The following CLSTN2 variants were observed in gnomAD, a reference collection of about 807,000 sequenced individuals.
CLSTN2 encodes calsyntenin-2.
Under a neutral mutation model 101.2 loss-of-function variants are expected in CLSTN2, and 48 were observed. The observed-to-expected ratio is 0.47, with a 90% CI of 0.38 to 0.60. The LOEUF is 0.60. CLSTN2 is among the 20% of genes least tolerant of loss of function. The pLI is 0.00. For missense variants in CLSTN2, 1,160 were observed against 1,238.2 expected (o/e 0.94, Z 0.95); for synonymous variants, 481 against 463.6 (o/e 1.04, Z -0.48).
intron 1 of CLSTN2, among the ~76,000 whole-genome samples, chr3:139,962,982 C>T (rs1935537011): frequency 6.6e-6 from 1 of 151,914 alleles, no homozygotes; most frequent in Admixed American, 6.6e-5. Context: ...TGGTGATTAT[C>T]TCTTAGGATA....
At chr3:140,354,445 C>T (rs903617524) in intron 2 of CLSTN2, among the ~76,000 whole-genome samples, 16 of 152,186 alleles carry the variant, frequency 1.1e-4, no homozygotes, top group African/African-American at 2.7e-4. Flanking sequence ...ATGACAACCA[C>T]GTATGCTTTA....
chr3:140,328,066 G>T (rs750317851), intron 2 of CLSTN2, among the ~76,000 whole-genome samples: 27 of 152,224 alleles, frequency 1.8e-4, no homozygotes, highest in Non-Finnish European at 3.5e-4. Context: ...TTATCCTGAT[G>T]CTTCCTTTCA....
chr3:140,079,228 C>T (rs1237776122), intron 1 of CLSTN2, among the ~76,000 whole-genome samples: 2 of 152,082 alleles, frequency 1.3e-5, no homozygotes, highest in Non-Finnish European at 2.9e-5. Context: ...TTTTATACTT[C>T]ATTATAGTCT....
intron 2 of CLSTN2, among the ~76,000 whole-genome samples, chr3:140,313,935 C>T (rs893585619): frequency 1.3e-5 from 2 of 152,168 alleles, no homozygotes; most frequent in African/African-American, 4.8e-5. Flanking sequence ...TCCCCTTTGA[C>T]CTGCCCCAGT....
chr3:140,115,776 C>T (rs890388013), intron 1 of CLSTN2, among the ~76,000 whole-genome samples: 14 of 152,174 alleles, frequency 9.2e-5, no homozygotes, highest in African/African-American at 3.1e-4. Flanking sequence ...CGTCCCCATC[C>T]TATTGTTCTC....
chr3:140,212,616 C>T (rs1026047616), intron 2 of CLSTN2, among the ~76,000 whole-genome samples: 10 of 152,214 alleles, frequency 6.6e-5, no homozygotes, highest in Admixed American at 1.3e-4. Context: ...AAGTTTGTAA[C>T]CTGGCCCATA....
chr3:140,193,261 G>GTTTTTTTTTTTTTTTTTT (rs367933711), intron 2 of CLSTN2, among the ~76,000 whole-genome samples: 3 of 87,444 alleles, frequency 3.4e-5, no homozygotes, highest in Non-Finnish European at 6.9e-5. Context: ...CTTTTTTATA[G>GTTTTTTTTTTTTTTTTTT]TTTTTTTTTT....
At chr3:140,498,422 G>C (rs1193588213) in intron 8 of CLSTN2, among the ~76,000 whole-genome samples, 2 of 152,182 alleles carry the variant, frequency 1.3e-5, no homozygotes, top group Admixed American at 1.3e-4. Flanking sequence ...GAACCACACA[G>C]AGTATTTGCC....
intron 2 of CLSTN2, among the ~76,000 whole-genome samples, chr3:140,224,654 T>A (rs1200609471): frequency 6.6e-6 from 1 of 152,178 alleles, no homozygotes; most frequent in Non-Finnish European, 1.5e-5. Flanking sequence ...AATCATATAA[T>A]CAGTCATAAC....
intron 1 of CLSTN2, among the ~76,000 whole-genome samples, chr3:140,155,065 C>T (rs536791565): frequency 6.6e-5 from 10 of 152,112 alleles, no homozygotes; most frequent in Non-Finnish European, 1.5e-4. Flanking sequence ...GGACACAGAG[C>T]CAAACCATAT....
intron 1 of CLSTN2, among the ~76,000 whole-genome samples, chr3:140,063,529 G>A (rs570558739): frequency 6.6e-6 from 1 of 152,290 alleles, no homozygotes; most frequent in South Asian, 2.1e-4. Context: ...CACACTGTGA[G>A]GCAGGTAAAG....
intron 2 of CLSTN2, among the ~76,000 whole-genome samples, chr3:140,224,875 T>C (rs899114506): frequency 1.3e-5 from 2 of 152,128 alleles, no homozygotes; most frequent in African/African-American, 4.8e-5. Context: ...AAGCTAGAGA[T>C]TAGAGAGACT....
At chr3:140,305,054 A>ACACACT (rs1491321182) in intron 2 of CLSTN2, among the ~76,000 whole-genome samples, 2 of 118,134 alleles carry the variant, frequency 1.7e-5, no homozygotes, top group Admixed American at 1.8e-4. Context: ...ACACACACAC[A>ACACACT]CTCTCTCTCT....
chr3:140,532,932 G>A (rs1318881842), intron 9 of CLSTN2, among the ~76,000 whole-genome samples: 1 of 152,144 alleles, frequency 6.6e-6, no homozygotes, highest in African/African-American at 2.4e-5. Flanking sequence ...ACTCACAAAT[G>A]CCCAGGGCTT....
chr3:140,200,533 G>T (rs113762460), intron 2 of CLSTN2, among the ~76,000 whole-genome samples: 11 of 152,150 alleles, frequency 7.2e-5, no homozygotes, highest in African/African-American at 2.7e-4. Context: ...ATATCTACAG[G>T]ATAGTTGTGA....
intron 1 of CLSTN2, among the ~76,000 whole-genome samples, chr3:139,955,064 C>T (rs1355037504): frequency 8.8e-6 from 1 of 113,432 alleles, no homozygotes; most frequent in Non-Finnish European, 1.8e-5. Flanking sequence ...ATATATGTTG[C>T]TATATATACA....
intron 1 of CLSTN2, among the ~76,000 whole-genome samples, chr3:140,054,986 A>G (rs1489481497): frequency 6.6e-6 from 1 of 152,232 alleles, no homozygotes; most frequent in Non-Finnish European, 1.5e-5. Context: ...CACCTGGGAT[A>G]TGCCTGCAGG....
At chr3:140,006,010 C>T (rs1349298766) in intron 1 of CLSTN2, among the ~76,000 whole-genome samples, 4 of 152,138 alleles carry the variant, frequency 2.6e-5, no homozygotes, top group African/African-American at 4.8e-5. Flanking sequence ...TAAGTTCATT[C>T]GTACTACTGC....
At chr3:140,297,982 T>C (rs907925131) in intron 2 of CLSTN2, among the ~76,000 whole-genome samples, 3 of 152,236 alleles carry the variant, frequency 2.0e-5, no homozygotes. Flanking sequence ...GTACTGCTTT[T>C]ATACAATTGT....
Sources: allele counts gnomAD v4.1 joint callset (sites outside exome capture counted in the v4.1 genomes callset), GRCh38; gene constraint gnomAD v4.1.1; transcripts MANE v1.5; gene names NCBI Gene and HGNC (gene_info 2026-07-23, HGNC 2026-07-21).